NECTIN2: variants seen among roughly 807,000 people sequenced by gnomAD.
The protein encoded by NECTIN2 is nectin cell adhesion molecule 2.
NECTIN2 carries 23 observed loss-of-function variants against 56.9 expected under a neutral mutation model. The ratio of observed to expected loss-of-function variants is 0.40; its 90% confidence interval spans 0.29 to 0.57. The LOEUF (loss-of-function observed/expected upper bound fraction) is 0.57. Among genes scored for constraint, NECTIN2 ranks in the 20% least tolerant of loss-of-function variants. The pLI, the probability that NECTIN2 is intolerant of heterozygous loss-of-function variation, is 0.38. For missense variants in NECTIN2, 587 were observed against 718.3 expected (o/e 0.82, Z 2.09); for synonymous variants, 302 against 313.8 (o/e 0.96, Z 0.40).
intron 6 of NECTIN2, 64 bp downstream of exon 6, chr19:44,882,428 G>A (rs1339968406): frequency 1.6e-6 from 2 of 1,280,068 alleles, no homozygotes; most frequent in African/African-American, 1.5e-5. Flanking sequence ...TATGGGGTAG[G>A]GGTGAGGGTG....
At chr19:44,860,196 C>T (rs1969015845) in intron 1 of NECTIN2, among the ~76,000 whole-genome samples, 1 of 152,158 alleles carries the variant, frequency 6.6e-6, no homozygotes, top group Non-Finnish European at 1.5e-5. Flanking sequence ...TGGGAAGTGA[C>T]TGCTTAATGG....
At position 44,867,579 on chromosome 19, in the gene NECTIN2, G is replaced by C. The variant is rs116437673; in HGVS notation, c.478+1919G>C. On this transcript the variant is annotated intron_variant, in intron 2 of 8. Coordinates refer to ENST00000252483, the MANE Select transcript of NECTIN2 (RefSeq NM_001042724.2). ...CATTGAGATAGGATGTGCAGGGAAG[G>C]CGTCTTAGTCAAGTCCTGGAGTCTG... Among the ~76,000 whole-genome samples, 8 of 152,324 alleles carry C rather than the reference G, an allele frequency of 5.3e-5. No homozygotes were observed. The East Asian group carries it at 5.8e-4, about 11-fold the overall frequency.
At chr19:44,888,064 G>A (rs767526627) in intron 8 of NECTIN2, 46 bp from the exon 9 acceptor site, 78 of 1,580,890 alleles carry the variant, frequency 4.9e-5, no homozygotes, top group Middle Eastern at 3.4e-4. Flanking sequence ...AATCTGTGTC[G>A]TGCGTAGGAA....
chr19:44,882,101 TG>T (rs1218962401), intron 5 of NECTIN2, 109 bp from the exon 6 acceptor site: 2 of 979,754 alleles, frequency 2.0e-6, no homozygotes, highest in African/African-American at 3.4e-5. Flanking sequence ...CCCCTGCCCA[TG>T]GGAGAGGACA....
rs574860528 is a variant in NECTIN2, at chr19:44,876,018, C to A, written c.1042+1540C>A. Among the ~76,000 whole-genome samples the A allele has an allele frequency of 5.3e-5, 8 of 152,268 alleles. No individual in the cohort carries two copies. The South Asian group carries it at 1.7e-3, about 32-fold the overall frequency. Reference sequence around the variant, plus strand: ...CTGCACACGGAGGAATGTCATCCCTCACTCACAGACCCTCAGACGGAAAAT... The same window carrying A: ...CTGCACACGGAGGAATGTCATCCCTAACTCACAGACCCTCAGACGGAAAAT... On this transcript the variant is annotated intron_variant, in intron 5 of 8. Coordinates refer to ENST00000252483, the MANE Select transcript of NECTIN2 (RefSeq NM_001042724.2).
rs577047307 is a variant in NECTIN2 at position 44,865,876 on chromosome 19, A to G, written c.478+216A>G. Among the ~76,000 whole-genome samples, 195 of 152,256 alleles carry G rather than the reference A, an allele frequency of 1.3e-3. No individual in the cohort carries two copies. The highest frequency in any genetic ancestry group is 4.6e-3 in the African/African-American group (190 of 41,544). On this transcript the variant is annotated intron_variant, in intron 2 of 8. Coordinates refer to ENST00000252483, the MANE Select transcript of NECTIN2 (RefSeq NM_001042724.2). The surrounding 1 kb of genome is among the most constrained non-coding windows in gnomAD (Gnocchi z 5.2). ...GCAACCAGGCATTCTTGGGAAAAAC[A>G]AAAAAATAAGTATTGGCTGGGCGCA...
chr19:44,883,402 G>A lies in NECTIN2; in HGVS notation c.1196+1038G>A, dbSNP rs1457544306. ...CGATTCTCCAGCCTCAGCCTCTCGA[G>A]TAGCTGGGATTACAGATGCGCGCCA... On this transcript the variant is annotated intron_variant, in intron 6 of 8. Coordinates refer to ENST00000252483, the MANE Select transcript of NECTIN2 (RefSeq NM_001042724.2). Among the ~76,000 whole-genome samples, 5 of 152,156 alleles carry A rather than the reference G, an allele frequency of 3.3e-5. No individual in the cohort carries two copies. The East Asian group carries it at 7.7e-4, about 23-fold the overall frequency.
chr19:44,876,343 A>G (rs1188722100), intron 5 of NECTIN2, among the ~76,000 whole-genome samples: 1 of 152,046 alleles, frequency 6.6e-6, no homozygotes, highest in African/African-American at 2.4e-5. Flanking sequence ...CCACACACCC[A>G]GCAGGTGGCT....
chr19:44,850,938 C>CG (rs1269737359), intron 1 of NECTIN2, among the ~76,000 whole-genome samples: 1 of 152,124 alleles, frequency 6.6e-6, no homozygotes. Context: ...TATAGATCTG[C>CG]GGGGGAAGCC....
intron 6 of NECTIN2, 142 bp downstream of exon 6, chr19:44,882,506 A>G: frequency 2.7e-6 from 2 of 737,458 alleles, no homozygotes; most frequent in Non-Finnish European, 3.8e-6. Context: ...TAAATGGAGT[A>G]GGGAGGTATG....
At chr19:44,878,235 C>T in intron 5 of NECTIN2, 1 of 726,040 alleles carries the variant, frequency 1.4e-6, no homozygotes, top group Non-Finnish European at 2.4e-6. Flanking sequence ...ACCCCCAGGG[C>T]CTCGCCCCGA....
intron 2 of NECTIN2, among the ~76,000 whole-genome samples, chr19:44,868,233 C>T (rs1320347090): frequency 6.6e-6 from 1 of 151,358 alleles, no homozygotes; most frequent in African/African-American, 2.4e-5. Flanking sequence ...CATGGTAGCA[C>T]ACACCTGTAG....
intron 5 of NECTIN2, chr19:44,878,227 C>G: frequency 1.4e-6 from 1 of 694,130 alleles, no homozygotes; most frequent in African/African-American, 1.8e-5. Flanking sequence ...CCTCAGAAAC[C>G]CCCAGGGCCT....
intron 1 of NECTIN2, among the ~76,000 whole-genome samples, chr19:44,861,011 T>TTTTTTAGAAA (rs1449002955): frequency 6.0e-5 from 9 of 150,518 alleles, no homozygotes; most frequent in African/African-American, 2.2e-4. Context: ...GACATTTTTC[T>TTTTTTAGAAA]AAAGAAGACA....
rs184521142 is a variant in NECTIN2 at position 44,868,404 on chromosome 19, G to A, written c.478+2744G>A. On this transcript the variant is annotated intron_variant, in intron 2 of 8. Transcript: ENST00000252483. ...CCAGCGGGAAGGTGACTGATACTTG[G>A]CAAAAATAGAGAAGGCAGGGAAGAT... Among the ~76,000 whole-genome samples, 45 of 149,146 alleles carry A rather than the reference G, an allele frequency of 3.0e-4. 1 individual carries two copies. The East Asian group carries it at 6.6e-3, about 22-fold the overall frequency.
At chr19:44,849,438 TG>T (rs895559789) in intron 1 of NECTIN2, among the ~76,000 whole-genome samples, 15 of 146,518 alleles carry the variant, frequency 1.0e-4, no homozygotes, top group Non-Finnish European at 1.8e-4. Flanking sequence ...CAGCGACATG[TG>T]GGGGCCACAG....
At chr19:44,870,573 A>G (rs930714159) in intron 2 of NECTIN2, among the ~76,000 whole-genome samples, 1 of 152,098 alleles carries the variant, frequency 6.6e-6, no homozygotes, top group Non-Finnish European at 1.5e-5. Context: ...GTATAAAAAA[A>G]AGAAACGGCT....
chr19:44,853,396 C>T (rs1260827764), intron 1 of NECTIN2, among the ~76,000 whole-genome samples: 5 of 151,602 alleles, frequency 3.3e-5, no homozygotes, highest in African/African-American at 2.4e-5. Context: ...GTGGTTTCAC[C>T]GTGTTAGCCA....
At chr19:44,867,410 C>T (rs188794286) in intron 2 of NECTIN2, among the ~76,000 whole-genome samples, 34 of 152,310 alleles carry the variant, frequency 2.2e-4, no homozygotes, top group African/African-American at 7.5e-4. Context: ...GGGAGGATCA[C>T]CTGAGCCCAG....
Sources: gnomAD v4.1 joint callset for allele counts (sites outside exome capture counted in the v4.1 genomes callset) on GRCh38, gnomAD v4.1.1 for gene constraint, Gnocchi (gnomAD v3.1) non-coding constraint, MANE v1.5 for transcripts, NCBI Gene and HGNC (gene_info 2026-07-23, HGNC 2026-07-21) for gene names.